Variants in ASH1L observed in about 807,000 individuals in gnomAD.
ASH1L encodes the protein histone-lysine N-methyltransferase ASH1L.
ASH1L carries 23 observed loss-of-function variants against 269.0 expected under a neutral mutation model. That is an observed-to-expected ratio of 0.09 (90% CI 0.06 to 0.12). The LOEUF is 0.12. Ranked by LOEUF, ASH1L falls within the 10% of genes least tolerant of loss-of-function variation. ASH1L has a pLI of 1.00. For missense variants in ASH1L, 2,912 were observed against 3,567.8 expected (o/e 0.82, Z 4.68); for synonymous variants, 1,187 against 1,253.5 (o/e 0.95, Z 1.12).
chr1:155,380,635 T>C (rs1009946321), intron 7 of ASH1L, among the ~76,000 whole-genome samples: 2 of 151,660 alleles, frequency 1.3e-5, no homozygotes, highest in African/African-American at 4.9e-5. Flanking sequence ...AGAATGAAAT[T>C]CTTTTTTTTT....
intron 4 of ASH1L, among the ~76,000 whole-genome samples, chr1:155,445,578 C>T (rs549642424): frequency 4.1e-4 from 62 of 152,270 alleles, no homozygotes; most frequent in Middle Eastern, 3.4e-3. Flanking sequence ...GATCTTCCTG[C>T]AGTGGCCTCC....
Position 155,403,634 on chromosome 1 carries a change from T to C in ASH1L, c.6009-8081A>G, listed in dbSNP as rs933952732. Among the ~76,000 whole-genome samples, 13 of 152,288 alleles carry C rather than the reference T, an allele frequency of 8.5e-5. No homozygotes were observed. In the East Asian group the frequency reaches 2.5e-3, roughly 29 times the overall value. ...CAAGAAGTATTAACTTTCTTTTTAC[T>C]TCTTCAGTATTAGCCCAGACTAATA... On this transcript the variant is annotated intron_variant, in intron 6 of 27. Transcript: ENST00000392403.
intron 10 of ASH1L, among the ~76,000 whole-genome samples, chr1:155,375,976 C>T (rs1055511212): frequency 1.3e-5 from 2 of 151,988 alleles, no homozygotes; most frequent in Non-Finnish European, 2.9e-5. Flanking sequence ...TGGTGACACG[C>T]GTCTTTAGTC....
chr1:155,365,372 A>ATTTTTTTTTTTTTT (rs142145021), intron 12 of ASH1L, among the ~76,000 whole-genome samples: 7 of 124,242 alleles, frequency 5.6e-5, no homozygotes, highest in African/African-American at 1.9e-4. Flanking sequence ...TGCCCGGCTG[A>ATTTTTTTTTTTTTT]TTTTTTTTTT....
At chr1:155,558,379 G>A (rs1671739428) in intron 1 of ASH1L, among the ~76,000 whole-genome samples, 1 of 152,114 alleles carries the variant, frequency 6.6e-6, no homozygotes, top group African/African-American at 2.4e-5. Context: ...GCTGAGGCAG[G>A]AGAATCCCTT....
At chr1:155,528,001 G>C (rs1175426649) in intron 1 of ASH1L, among the ~76,000 whole-genome samples, 1 of 152,056 alleles carries the variant, frequency 6.6e-6, no homozygotes, top group Admixed American at 6.6e-5. Flanking sequence ...CAAATGACCA[G>C]ATCCAGTCTT....
At chr1:155,387,473 T>C (rs1558053979) in intron 7 of ASH1L, among the ~76,000 whole-genome samples, 1 of 152,208 alleles carries the variant, frequency 6.6e-6, no homozygotes, top group Non-Finnish European at 1.5e-5. Context: ...GGGTTCTCTA[T>C]TCTGTTTCAC....
intron 1 of ASH1L, among the ~76,000 whole-genome samples, chr1:155,533,948 A>T (rs897805502): frequency 6.6e-6 from 1 of 152,096 alleles, no homozygotes; most frequent in African/African-American, 2.4e-5. Flanking sequence ...ATATGTTTTG[A>T]GAATTGTGAC....
intron 2 of ASH1L, among the ~76,000 whole-genome samples, chr1:155,517,980 T>G (rs927634333): frequency 6.6e-6 from 1 of 151,312 alleles, no homozygotes; most frequent in African/African-American, 2.4e-5. Flanking sequence ...TTTTGTATTT[T>G]TAGTAGAGAC....
rs113597615 is a variant in ASH1L, at chr1:155,423,077, T to C, written c.5829-7154A>G. Among the ~76,000 whole-genome samples, 1,093 of 151,646 alleles carry C rather than the reference T, an allele frequency of 7.2e-3. 5 individuals carry two copies. The highest frequency in any genetic ancestry group is 0.012 in the Non-Finnish European group (781 of 67,900). ...ACTCTCCCTGCCTTAGCCTTCCGAG[T>C]AGCTGGGATTACAGGTACCTACCAC... On this transcript the variant is annotated intron_variant, in intron 5 of 27. Coordinates refer to ENST00000392403, the MANE Select transcript of ASH1L (RefSeq NM_018489.3).
In ASH1L at chr1:155,562,467, G is replaced by T; in HGVS notation, c.-414C>A. On this transcript the variant is annotated 5_prime_UTR_variant, in exon 1 of 28. Coordinates refer to ENST00000392403, the MANE Select transcript of ASH1L (RefSeq NM_018489.3). ...CGGCAGCAGCAGAGTGGCGGCGGTG[G>T]CGGCGGCAGCTCCTCCAGAGGGAGG... 6.8e-7 allele frequency: 1 copy of T among 1,460,274 alleles called. No homozygotes were observed. Among genetic ancestry groups the T allele is most frequent in the Non-Finnish European group, 9.3e-7 (1 of 1,076,904 alleles). The allele number at this position is 1,460,274 out of a possible 1,614,324, so 90.5% of individuals were successfully genotyped here. A position where few individuals can be genotyped will look rare whatever the true frequency, so the allele number is the denominator to read the frequency against.
At chr1:155,536,797 C>T (rs1050157080) in intron 1 of ASH1L, among the ~76,000 whole-genome samples, 7 of 151,934 alleles carry the variant, frequency 4.6e-5, no homozygotes, top group African/African-American at 1.7e-4. Flanking sequence ...AATCCCAGCA[C>T]TTTGGGAGGC....
At chr1:155,541,060 T>C (rs959891047) in intron 1 of ASH1L, among the ~76,000 whole-genome samples, 4 of 152,142 alleles carry the variant, frequency 2.6e-5, no homozygotes, top group Non-Finnish European at 5.9e-5. Flanking sequence ...TAAGTGCATA[T>C]CCATACTATA....
chr1:155,347,015 C>A (rs549458946), intron 20 of ASH1L, among the ~76,000 whole-genome samples: 1 of 152,308 alleles, frequency 6.6e-6, no homozygotes, highest in East Asian at 1.9e-4. Flanking sequence ...TGTATTATCA[C>A]TAATGATTCA....
intron 3 of ASH1L, among the ~76,000 whole-genome samples, chr1:155,467,031 A>G (rs1664747189): frequency 6.6e-6 from 1 of 152,200 alleles, no homozygotes; most frequent in South Asian, 2.1e-4. Flanking sequence ...GCACCAAATA[A>G]TGTATATAAT....
intron 4 of ASH1L, among the ~76,000 whole-genome samples, chr1:155,442,527 G>A (rs575042871): frequency 1.4e-5 from 2 of 144,628 alleles, no homozygotes; most frequent in East Asian, 4.1e-4. Flanking sequence ...AGGTTGCAGT[G>A]AGCCGAGATC....
intron 2 of ASH1L, among the ~76,000 whole-genome samples, chr1:155,494,387 A>T (rs1350483261): frequency 6.6e-6 from 1 of 152,230 alleles, no homozygotes; most frequent in African/African-American, 2.4e-5. Flanking sequence ...CGAAGATTTT[A>T]TGAAGAGGTA....
Position 155,335,682 on chromosome 1 carries a change from T to G in ASH1L, c.*1978A>C, listed in dbSNP as rs1652251084. 1 of 152,776 alleles carries G rather than the reference T, an allele frequency of 6.5e-6. No individual in the cohort carries two copies. Among genetic ancestry groups the G allele is most frequent in the Non-Finnish European group, 1.5e-5 (1 of 68,054 alleles). The allele number at this position is 152,776 out of a possible 1,614,324, so 9.5% of individuals were successfully genotyped here. On this transcript the variant is annotated 3_prime_UTR_variant, in exon 28 of 28. Coordinates refer to ENST00000392403, the MANE Select transcript of ASH1L (RefSeq NM_018489.3). ...ATTGTCTAAAAAACATTTCAGTTTT[T>G]TTTTAGTCTTTCAACAAAAGAAAGA...
intron 6 of ASH1L, among the ~76,000 whole-genome samples, chr1:155,401,554 G>A (rs1483655120): frequency 6.6e-6 from 1 of 151,928 alleles, no homozygotes; most frequent in Admixed American, 6.6e-5. Flanking sequence ...GGCCAAGGTG[G>A]GTGGATCACC....
Sources: allele counts gnomAD v4.1 joint callset (sites outside exome capture counted in the v4.1 genomes callset), GRCh38; gene constraint gnomAD v4.1.1; transcripts MANE v1.5; gene names NCBI Gene and HGNC (gene_info 2026-07-23, HGNC 2026-07-21).